SNRPN: variants seen among roughly 807,000 people sequenced by gnomAD.
The protein encoded by SNRPN is small nuclear ribonucleoprotein-associated protein N.
Under a neutral mutation model 25.2 loss-of-function variants are expected in SNRPN, and 7 were observed. That is an observed-to-expected ratio of 0.28 (90% CI 0.16 to 0.52). SNRPN has a LOEUF of 0.52. SNRPN is among the 20% of genes least tolerant of loss of function. SNRPN has a pLI of 0.96. For missense variants in SNRPN, 196 were observed against 322.5 expected (o/e 0.61, Z 3.00); for synonymous variants, 124 against 110.6 (o/e 1.12, Z -0.76).
chr15:24,885,451 C>A (rs1020420311), intron 1 of SNRPN, among the ~76,000 whole-genome samples: 3 of 152,164 alleles, frequency 2.0e-5, no homozygotes, highest in Admixed American at 1.3e-4. Context: ...GCATGAGTAT[C>A]TTTGGCTCAT....
chr15:24,864,181 A>G (rs8024158), intron 1 of SNRPN, among the ~76,000 whole-genome samples: 3 of 143,970 alleles, frequency 2.1e-5, no homozygotes, highest in East Asian at 4.1e-4. Context: ...CGCCCACCAC[A>G]ACGCCCGGCT....
intron 2 of SNRPN, chr15:24,908,782 T>C (rs1018328887): frequency 4.5e-6 from 2 of 440,896 alleles, no homozygotes; most frequent in African/African-American, 2.0e-5. Flanking sequence ...CTTCAATCTA[T>C]ATCTAAACTT....
At chr15:24,918,910 TATATATAACATA>T (rs1566910553) in intron 2 of SNRPN, among the ~76,000 whole-genome samples, 1 of 78,908 alleles carries the variant, frequency 1.3e-5, no homozygotes, top group African/African-American at 4.9e-5. Context: ...TATGTGCACA[TATATATAACATA>T]ATATATATAT....
chr15:24,826,692 G>A (rs2050106141), intron 1 of SNRPN, among the ~76,000 whole-genome samples: 1 of 152,078 alleles, frequency 6.6e-6, no homozygotes, highest in Non-Finnish European at 1.5e-5. Context: ...GTCAGAGTTA[G>A]TCTATGCATG....
intron 2 of SNRPN, among the ~76,000 whole-genome samples, chr15:24,837,399 A>C (rs1018804103): frequency 2.0e-5 from 3 of 148,294 alleles, no homozygotes; most frequent in South Asian, 2.1e-4. Flanking sequence ...GTGGAGTCTC[A>C]CTGTGTAGCC....
upstream of SNRPN, among the ~76,000 whole-genome samples, chr15:24,855,288 T>G (rs991836947): frequency 6.6e-6 from 1 of 152,192 alleles, no homozygotes; most frequent in Non-Finnish European, 1.5e-5. Context: ...TTTTATGGAT[T>G]ATTAGTTCAT....
rs1412533302 is a variant in SNRPN, at chr15:24,872,748, A to G, written c.-578-13768A>G. ...GCAATAAGAGTGAAACTCCGTCTCG[A>G]AAAAAAAAAAAAAAAAAAAAGCTGG... On this transcript the variant is annotated intron_variant, in intron 1 of 11. Transcript: ENST00000400097. Among the ~76,000 whole-genome samples the G allele has an allele frequency of 3.6e-3, 267 of 75,158 alleles. 45 individuals are homozygous for G. The highest frequency in any genetic ancestry group is 0.013 in the African/African-American group (256 of 19,890). 49.3% of individuals were successfully genotyped at this position (75,158 alleles called of 152,430 possible).
chr15:24,834,841 G>T (rs1219782015), intron 2 of SNRPN, among the ~76,000 whole-genome samples: 6 of 135,928 alleles, frequency 4.4e-5, no homozygotes, highest in Non-Finnish European at 6.2e-5. Flanking sequence ...CAGGAGAATC[G>T]CTTGAATCTG....
chr15:24,925,656 G>A (rs1400365335), intron 3 of SNRPN, among the ~76,000 whole-genome samples: 2 of 151,838 alleles, frequency 1.3e-5, no homozygotes, highest in Admixed American at 6.6e-5. Flanking sequence ...GCAGTTGTGC[G>A]ATCACTACAG....
rs765651266 is a variant in SNRPN, at chr15:24,967,964, A to G, written c.-262A>G. ...TTGTACCCGAGGCGTTCTCAGCAGC[A>G]GCAAGTACCTGTGGTGGATTTCCAG... On this transcript the variant is annotated 5_prime_UTR_variant, in exon 3 of 10. Transcript: ENST00000390687. 8.1e-6 allele frequency: 13 copies of G among 1,614,090 alleles called. No individual in the cohort carries two copies. The Admixed American group carries it at 8.3e-5, about 10-fold the overall frequency.
chr15:24,823,789 A>T (rs1290891752), exon 1 of SNRPN: 2 of 152,182 alleles, frequency 1.3e-5, no homozygotes, highest in Non-Finnish European at 2.9e-5. Flanking sequence ...TTTTCTCTAC[A>T]GTAACTGTGG....
At chr15:24,879,067 G>A (rs906107360) in intron 1 of SNRPN, among the ~76,000 whole-genome samples, 8 of 151,924 alleles carry the variant, frequency 5.3e-5, no homozygotes, top group African/African-American at 9.7e-5. Flanking sequence ...ATAGTCCTCC[G>A]GAATGCAAAA....
chr15:24,876,034 G>GGA (rs2055831241), intron 1 of SNRPN, among the ~76,000 whole-genome samples: 2 of 150,364 alleles, frequency 1.3e-5, no homozygotes, highest in Non-Finnish European at 3.0e-5. Flanking sequence ...AGCTTGGGCA[G>GGA]CAGAGTGATA....
intron 1 of SNRPN, among the ~76,000 whole-genome samples, chr15:24,827,500 A>C (rs11161141): frequency 0.55 from 76,170 of 139,424 alleles, 20,997 homozygotes; most frequent in East Asian, 0.81. Context: ...TGGGTGAAAG[A>C]GCGAGACTCT....
chr15:24,932,176 T>A (rs774031856), intron 3 of SNRPN, among the ~76,000 whole-genome samples: 47 of 152,290 alleles, frequency 3.1e-4, no homozygotes, highest in Non-Finnish European at 6.3e-4. Flanking sequence ...GGCCTTGAGA[T>A]GCTAGAATCT....
At chr15:24,845,385 G>A (rs540925046) in intron 2 of SNRPN, among the ~76,000 whole-genome samples, 1 of 152,286 alleles carries the variant, frequency 6.6e-6, no homozygotes, top group South Asian at 2.1e-4. Context: ...ATCACCTGAG[G>A]TCGGGAGTTC....
intron 2 of SNRPN, among the ~76,000 whole-genome samples, chr15:24,905,806 T>G (rs929930129): frequency 2.0e-5 from 3 of 152,164 alleles, no homozygotes; most frequent in African/African-American, 7.2e-5. Flanking sequence ...ATGGTGAAGT[T>G]AGGAAGGTAG....
In SNRPN at chr15:24,975,361, G is replaced by C. The variant is rs751103846; in HGVS notation, c.7G>C (p.Val3Leu). 6.2e-7 allele frequency: 1 copy of C among 1,613,048 alleles called. No homozygotes were observed. Among genetic ancestry groups the C allele is most frequent in the Non-Finnish European group, 8.5e-7 (1 of 1,179,422 alleles). The change falls in exon 5 of 10, where the codon GTT (valine) becomes CTT (leucine). Residue 3 changes from valine to leucine, a missense_variant. Physicochemically the swap from Val to Leu is conservative, Grantham distance 32. Transcript: ENST00000390687. MT[V>L]GKSSKMLQHI... ...ACTCTTGTCTTACTGCTTCTAGACT[G>C]TTGGCAAGAGTAGCAAGATGCTGCA...
At chr15:24,927,339 C>G (rs1370847152) in intron 3 of SNRPN, among the ~76,000 whole-genome samples, 1 of 151,992 alleles carries the variant, frequency 6.6e-6, no homozygotes, top group Non-Finnish European at 1.5e-5. Flanking sequence ...CTAGGCTGGT[C>G]TCAAACTCCT....
Sources: allele counts gnomAD v4.1 joint callset (sites outside exome capture counted in the v4.1 genomes callset), GRCh38; gene constraint gnomAD v4.1.1; transcripts MANE v1.5; gene names NCBI Gene and HGNC (gene_info 2026-07-23, HGNC 2026-07-21).